CNTN5: variants seen among roughly 807,000 people sequenced by gnomAD.
CNTN5 encodes contactin 5, also known as contactin-5.
Under a neutral mutation model 129.1 loss-of-function variants are expected in CNTN5, and 77 were observed. The observed-to-expected ratio is 0.60, with a 90% CI of 0.50 to 0.72. CNTN5 has a LOEUF of 0.72. Ranked by LOEUF, CNTN5 falls within the 30% of genes least tolerant of loss-of-function variation. The probability of loss-of-function intolerance (pLI) is 0.00; values close to 1 mark genes in which losing one functional copy is unlikely to be tolerated. For synonymous variants in CNTN5, 509 were observed against 465.6 expected (o/e 1.09, Z -1.20); for missense variants, 1,478 against 1,328.8 (o/e 1.11, Z -1.75).
At chr11:99,619,914 T>G (rs892171021) in intron 3 of CNTN5, among the ~76,000 whole-genome samples, 1 of 150,618 alleles carries the variant, frequency 6.6e-6, no homozygotes, top group East Asian at 2.0e-4. Context: ...TAGTCCCAGC[T>G]ACTCGGAAGG....
At chr11:100,093,231 T>C (rs1944864763) in intron 13 of CNTN5, among the ~76,000 whole-genome samples, 1 of 152,114 alleles carries the variant, frequency 6.6e-6, no homozygotes, top group African/African-American at 2.4e-5. Flanking sequence ...GGGTGTTCTC[T>C]ATACCACAGC....
intron 2 of CNTN5, among the ~76,000 whole-genome samples, chr11:99,436,495 T>C (rs1591054277): frequency 1.3e-5 from 2 of 152,192 alleles, no homozygotes; most frequent in Non-Finnish European, 2.9e-5. Context: ...GTTTAGGATG[T>C]TCTGTTTAAG....
rs1945934067 is a variant in CNTN5, at chr11:99,489,111, G to A, written c.-70-67034G>A. 2.0e-5 allele frequency among the ~76,000 whole-genome samples: 3 copies of A among 151,350 alleles called. No individual in the cohort carries two copies. The South Asian group carries it at 6.2e-4, about 31-fold the overall frequency. On this transcript the variant is annotated intron_variant, in intron 2 of 24. Coordinates refer to ENST00000524871, the MANE Select transcript of CNTN5 (RefSeq NM_014361.4). ...TTTTCTTTTCTCTTTATCCTTTATT[G>A]CATTTGTACAATTGATTACTTTCTT...
chr11:99,050,809 C>A (rs1047796359), intron 1 of CNTN5, among the ~76,000 whole-genome samples: 1 of 151,876 alleles, frequency 6.6e-6, no homozygotes, highest in Non-Finnish European at 1.5e-5. Flanking sequence ...TTTTCATATA[C>A]AATAATACTT....
At chr11:99,366,072 A>G (rs1939426744) in intron 2 of CNTN5, among the ~76,000 whole-genome samples, 1 of 152,186 alleles carries the variant, frequency 6.6e-6, no homozygotes, top group Non-Finnish European at 1.5e-5. Context: ...CTCATCACTA[A>G]CAGATCTTCC....
At chr11:100,247,562 G>C (rs1050704401) in intron 16 of CNTN5, among the ~76,000 whole-genome samples, 6 of 152,006 alleles carry the variant, frequency 3.9e-5, no homozygotes, top group Non-Finnish European at 4.4e-5. Flanking sequence ...AAGAAGGAAT[G>C]ACCCAATCCC....
rs182484549 is a variant in CNTN5, at chr11:99,614,992, T to C, written c.55+58723T>C. ...GTGTGTAGGTAGGTAGGGAGACAGA[T>C]AAATATAGAAGTAATACTATATCTA... On this transcript the variant is annotated intron_variant, in intron 3 of 24. Coordinates refer to ENST00000524871, the MANE Select transcript of CNTN5 (RefSeq NM_014361.4). 1.2e-4 allele frequency among the ~76,000 whole-genome samples: 18 copies of C among 150,672 alleles called. No homozygotes were observed. In the East Asian group the frequency reaches 3.5e-3, roughly 29 times the overall value.
intron 2 of CNTN5, among the ~76,000 whole-genome samples, chr11:99,327,755 G>T (rs879538924): frequency 1.3e-5 from 2 of 152,098 alleles, no homozygotes; most frequent in Non-Finnish European, 2.9e-5. Flanking sequence ...AACATTCAGC[G>T]GCAAAACTGA....
At chr11:100,270,140 C>T (rs540136079) in intron 17 of CNTN5, among the ~76,000 whole-genome samples, 29 of 152,028 alleles carry the variant, frequency 1.9e-4, no homozygotes, top group African/African-American at 6.3e-4. Context: ...TGAGATTTGT[C>T]GGGCAGCTCA....
intron 3 of CNTN5, among the ~76,000 whole-genome samples, chr11:99,569,244 G>A (rs1460172955): frequency 6.6e-6 from 1 of 152,042 alleles, no homozygotes; most frequent in Non-Finnish European, 1.5e-5. Context: ...TTCATATACA[G>A]GACCTAGCAT....
At chr11:99,145,479 T>G (rs1480356187) in intron 1 of CNTN5, among the ~76,000 whole-genome samples, 1 of 152,138 alleles carries the variant, frequency 6.6e-6, no homozygotes, top group Non-Finnish European at 1.5e-5. Context: ...AATTTCTTGT[T>G]TATTCTATAT....
chr11:99,208,487 A>G (rs1299312349), intron 1 of CNTN5, among the ~76,000 whole-genome samples: 1 of 152,190 alleles, frequency 6.6e-6, no homozygotes, highest in Non-Finnish European at 1.5e-5. Context: ...TTATAATAAT[A>G]TACACTTTCT....
intron 2 of CNTN5, among the ~76,000 whole-genome samples, chr11:99,337,977 A>T (rs1449888442): frequency 6.6e-6 from 1 of 152,206 alleles, no homozygotes; most frequent in African/African-American, 2.4e-5. Flanking sequence ...AGGATATTTC[A>T]GAGTATTATA....
intron 1 of CNTN5, among the ~76,000 whole-genome samples, chr11:99,230,215 T>C (rs934156027): frequency 2.0e-5 from 3 of 152,086 alleles, no homozygotes; most frequent in Non-Finnish European, 4.4e-5. Context: ...CTACATATTG[T>C]TTCTCTGGCA....
Position 99,458,751 on chromosome 11 carries a change from G to T in CNTN5, c.-70-97394G>T, listed in dbSNP as rs180918957. Among the ~76,000 whole-genome samples the T allele has an allele frequency of 2.2e-4, 34 of 152,132 alleles. 1 individual carries two copies. Among genetic ancestry groups the T allele is most frequent in the Admixed American group, 2.2e-3 (33 of 15,272 alleles). On this transcript the variant is annotated intron_variant, in intron 2 of 24. Coordinates refer to ENST00000524871, the MANE Select transcript of CNTN5 (RefSeq NM_014361.4). ...GCCTTGGTATAGTGAGTCATTTCAAGAGAATGTTAGTGAAGGAAAAACCTG... is the reference window on the plus strand; with the variant it reads ...GCCTTGGTATAGTGAGTCATTTCAATAGAATGTTAGTGAAGGAAAAACCTG...
At chr11:99,873,073 T>C (rs1948543761) in intron 6 of CNTN5, among the ~76,000 whole-genome samples, 4 of 105,766 alleles carry the variant, frequency 3.8e-5, no homozygotes, top group African/African-American at 3.7e-5. Flanking sequence ...GAATCACTAT[T>C]ACAAACACTT....
intron 1 of CNTN5, among the ~76,000 whole-genome samples, chr11:99,141,846 G>A (rs1377923695): frequency 6.6e-6 from 1 of 152,114 alleles, no homozygotes; most frequent in Non-Finnish European, 1.5e-5. Context: ...TTATTGTGCT[G>A]TGGTCCAAAT....
At chr11:99,073,374 GTTTTTTTTTTT>G (rs750531770) in intron 1 of CNTN5, among the ~76,000 whole-genome samples, 1 of 61,198 alleles carries the variant, frequency 1.6e-5, no homozygotes, top group Non-Finnish European at 2.9e-5. Flanking sequence ...TTATGGTTTG[GTTTTTTTTTTT>G]TTTTTTTTTT....
At chr11:99,926,543 A>G (rs1000832161) in intron 7 of CNTN5, among the ~76,000 whole-genome samples, 7 of 152,180 alleles carry the variant, frequency 4.6e-5, no homozygotes, top group African/African-American at 1.7e-4. Flanking sequence ...AATGTAAATC[A>G]TAATTTAAAA....
Sources: allele counts gnomAD v4.1 joint callset (sites outside exome capture counted in the v4.1 genomes callset), GRCh38; gene constraint gnomAD v4.1.1; transcripts MANE v1.5; gene names NCBI Gene and HGNC (gene_info 2026-07-23, HGNC 2026-07-21).